Variants in VEPH1 observed in about 807,000 individuals in gnomAD.
The protein encoded by VEPH1 is ventricular zone expressed PH domain containing 1.
VEPH1 carries 80 observed loss-of-function variants against 85.2 expected under a neutral mutation model. That is an observed-to-expected ratio of 0.94 (90% CI 0.78 to 1.13). The LOEUF (loss-of-function observed/expected upper bound fraction) is 1.13. VEPH1 is among the 50% of genes most tolerant of loss of function. The probability of loss-of-function intolerance (pLI) is 0.00; values close to 1 mark genes in which losing one functional copy is unlikely to be tolerated. For missense variants in VEPH1, 955 were observed against 980.5 expected (o/e 0.97, Z 0.35); for synonymous variants, 297 against 348.0 (o/e 0.85, Z 1.63).
At chr3:157,442,886 C>A in intron 4 of VEPH1, 1 of 1,614,048 alleles carries the variant, frequency 6.2e-7, no homozygotes, top group Non-Finnish European at 8.5e-7. Flanking sequence ...TAAGAGAGAC[C>A]GGAGGAGCAG....
Position 157,414,096 on chromosome 3 carries a change from A to C in VEPH1, c.697-6T>G, listed in dbSNP as rs779681919. 6.3e-7 allele frequency: 1 copy of C among 1,588,996 alleles called. No individual in the cohort carries two copies. The highest frequency in any genetic ancestry group is 8.6e-7 in the Non-Finnish European group (1 of 1,159,658). ...GGAATACACTTCTGAACTACCTATA[A>C]AGAGAGAGGAGAGGAGGAGGGAAGA... On this transcript the variant is annotated splice_region_variant and splice_polypyrimidine_tract_variant and intron_variant, in intron 5 of 13. Transcript: ENST00000362010.
At chr3:157,306,152 A>T (rs1719489519) in intron 11 of VEPH1, among the ~76,000 whole-genome samples, 1 of 152,130 alleles carries the variant, frequency 6.6e-6, no homozygotes, top group Admixed American at 6.5e-5. Context: ...AGACTTAACA[A>T]ATGCTAATAT....
At chr3:157,317,578 T>G (rs1673805150) in intron 9 of VEPH1, among the ~76,000 whole-genome samples, 1 of 152,110 alleles carries the variant, frequency 6.6e-6, no homozygotes, top group Admixed American at 6.5e-5. Flanking sequence ...GGGTAGTAAA[T>G]GACTTGCCAT....
chr3:157,435,178 T>G (rs1733461412), intron 4 of VEPH1, among the ~76,000 whole-genome samples: 1 of 152,188 alleles, frequency 6.6e-6, no homozygotes, highest in Non-Finnish European at 1.5e-5. Flanking sequence ...ATTCCTTCTT[T>G]TAGAGCTTCA....
chr3:157,352,988 A>G (rs2108724122), intron 9 of VEPH1, among the ~76,000 whole-genome samples: 1 of 152,242 alleles, frequency 6.6e-6, no homozygotes, highest in East Asian at 1.9e-4. Flanking sequence ...ATGGCTCTGT[A>G]ATATACTCTT....
At chr3:157,451,329 A>C (rs1400010906) in intron 4 of VEPH1, among the ~76,000 whole-genome samples, 1 of 152,250 alleles carries the variant, frequency 6.6e-6, no homozygotes, top group Non-Finnish European at 1.5e-5. Context: ...TCAAGATAAC[A>C]TTCCAATTAT....
intron 6 of VEPH1, among the ~76,000 whole-genome samples, chr3:157,387,136 A>AC (rs1193965737): frequency 6.6e-6 from 1 of 152,148 alleles, no homozygotes; most frequent in Admixed American, 6.6e-5. Flanking sequence ...TAATTTGTTG[A>AC]CCCCTGAACT....
In VEPH1 at chr3:157,345,025, T is replaced by C. The variant is rs148548022; in HGVS notation, c.1735+18339A>G. Among the ~76,000 whole-genome samples the C allele has an allele frequency of 9.8e-3, 1,491 of 152,258 alleles. 21 individuals carry two copies. The highest frequency in any genetic ancestry group is 0.035 in the African/African-American group (1,434 of 41,526). ...TCCTTACATCTTATACAAAAATTAA[T>C]TCAAGATGGATTAAAGATTTAAATG... On this transcript the variant is annotated intron_variant, in intron 9 of 13. Transcript: ENST00000362010.
chr3:157,304,023 T>TATATATG (rs1553761055), intron 11 of VEPH1, among the ~76,000 whole-genome samples: 1 of 89,134 alleles, frequency 1.1e-5, no homozygotes, highest in Non-Finnish European at 2.1e-5. Flanking sequence ...CTTATATTTT[T>TATATATG]TATATATATA....
At chr3:157,493,955 G>A (rs1739441019) in intron 2 of VEPH1, among the ~76,000 whole-genome samples, 2 of 152,104 alleles carry the variant, frequency 1.3e-5, no homozygotes, top group Admixed American at 6.6e-5. Flanking sequence ...GTGAAAGAAG[G>A]GGTTTCTGAA....
intron 11 of VEPH1, among the ~76,000 whole-genome samples, chr3:157,300,750 A>G (rs1376578249): frequency 6.6e-6 from 1 of 152,248 alleles, no homozygotes; most frequent in Non-Finnish European, 1.5e-5. Flanking sequence ...TGTATTTACA[A>G]AATCATATGC....
At chr3:157,364,946 A>T (rs1445921088) in intron 7 of VEPH1, among the ~76,000 whole-genome samples, 1 of 152,232 alleles carries the variant, frequency 6.6e-6, no homozygotes, top group Non-Finnish European at 1.5e-5. Flanking sequence ...GGTTTTGTTA[A>T]TTTTTAAAAA....
intron 4 of VEPH1, among the ~76,000 whole-genome samples, chr3:157,456,708 C>T (rs1735412622): frequency 6.6e-6 from 1 of 152,006 alleles, no homozygotes. Flanking sequence ...TTCTGGTTCT[C>T]TATTCTGTTC....
intron 12 of VEPH1, among the ~76,000 whole-genome samples, chr3:157,268,231 C>A (rs207463934): frequency 3.3e-5 from 5 of 152,218 alleles, no homozygotes; most frequent in African/African-American, 1.2e-4. Context: ...CACTGTGTCT[C>A]CCCACTGGGT....
chr3:157,298,421 C>G (rs1165120717), intron 11 of VEPH1, among the ~76,000 whole-genome samples: 1 of 152,110 alleles, frequency 6.6e-6, no homozygotes, highest in African/African-American at 2.4e-5. Flanking sequence ...GATAACTTGT[C>G]AAAGATCTAG....
chr3:157,340,375 A>G (rs1045693690), intron 9 of VEPH1, among the ~76,000 whole-genome samples: 2 of 152,226 alleles, frequency 1.3e-5, no homozygotes, highest in African/African-American at 4.8e-5. Context: ...AGGAGATTAT[A>G]TCCCGCACCT....
At chr3:157,466,882 G>T (rs1736419777) in intron 3 of VEPH1, among the ~76,000 whole-genome samples, 1 of 152,180 alleles carries the variant, frequency 6.6e-6, no homozygotes, top group Non-Finnish European at 1.5e-5. Flanking sequence ...ATTCACAAGT[G>T]CATGTCCCAT....
intron 5 of VEPH1, among the ~76,000 whole-genome samples, chr3:157,424,298 A>C (rs905258230): frequency 6.6e-6 from 1 of 152,192 alleles, no homozygotes; most frequent in Non-Finnish European, 1.5e-5. Flanking sequence ...GTGGAACTGT[A>C]AGTCGAATTA....
intron 4 of VEPH1, among the ~76,000 whole-genome samples, chr3:157,429,646 G>T (rs1332388786): frequency 1.3e-5 from 2 of 152,116 alleles, no homozygotes; most frequent in Non-Finnish European, 2.9e-5. Flanking sequence ...TCTTTTAAAA[G>T]GTTGTGTTCG....
Sources: allele counts gnomAD v4.1 joint callset (sites outside exome capture counted in the v4.1 genomes callset), GRCh38; gene constraint gnomAD v4.1.1; transcripts MANE v1.5; gene names NCBI Gene and HGNC (gene_info 2026-07-23, HGNC 2026-07-21).